The following SASH1 variants were observed in gnomAD, a reference collection of about 807,000 sequenced individuals.
The protein encoded by SASH1 is SAM and SH3 domain containing 1.
A neutral mutation model predicts 125.2 loss-of-function variants in SASH1; 44 were observed. That is an observed-to-expected ratio of 0.35 (90% CI 0.28 to 0.45). The LOEUF (loss-of-function observed/expected upper bound fraction) is 0.45. Among genes scored for constraint, SASH1 ranks in the 20% least tolerant of loss-of-function variants. The pLI, the probability that SASH1 is intolerant of heterozygous loss-of-function variation, is 1.00. For synonymous variants in SASH1, 639 were observed against 649.1 expected (o/e 0.98, Z 0.24); for missense variants, 1,426 against 1,614.5 (o/e 0.88, Z 2.00).
chr6:148,205,279 CTG>C, the SASH1 span, among the ~76,000 whole-genome samples: 1 of 152,198 alleles, frequency 6.6e-6, no homozygotes, highest in Admixed American at 6.5e-5. Context: ...TCTTATACCT[CTG>C]TCGTCCCAGA....
At chr6:148,545,426 T>C (rs2115461680) in intron 18 of SASH1, among the ~76,000 whole-genome samples, 1 of 152,358 alleles carries the variant, frequency 6.6e-6, no homozygotes, top group African/African-American at 2.4e-5. Flanking sequence ...CCTGAGTGAA[T>C]GTCTTTAAAT....
intron 2 of SASH1, among the ~76,000 whole-genome samples, chr6:148,429,803 C>T (rs1374834692): frequency 6.6e-6 from 1 of 152,034 alleles, no homozygotes; most frequent in South Asian, 2.1e-4. Context: ...CAGTAGTACT[C>T]CCTTGTACAG....
the SASH1 span, among the ~76,000 whole-genome samples, chr6:148,211,060 A>G: frequency 1.3e-5 from 2 of 152,168 alleles, no homozygotes; most frequent in African/African-American, 4.8e-5. Flanking sequence ...GCCATCCTCA[A>G]CCTTGTGGCC....
At chr6:148,396,478 GAAAAAAAAAAA>G (rs61277112) in intron 2 of SASH1, among the ~76,000 whole-genome samples, 2 of 63,788 alleles carry the variant, frequency 3.1e-5, no homozygotes, top group South Asian at 6.9e-4. Context: ...CTGCATCTCA[GAAAAAAAAAAA>G]AAAAAAAAAA....
At chr6:148,496,919 TG>T (rs1779338492) in intron 8 of SASH1, among the ~76,000 whole-genome samples, 1 of 151,658 alleles carries the variant, frequency 6.6e-6, no homozygotes, top group Non-Finnish European at 1.5e-5. Flanking sequence ...TATAAAATAA[TG>T]TATACTGATC....
At position 148,532,542 on chromosome 6, in the gene SASH1, C is replaced by T. The variant is rs753113476; in HGVS notation, c.1565-255C>T. Among the ~76,000 whole-genome samples, 7 of 152,074 alleles carry T rather than the reference C, an allele frequency of 4.6e-5. No individual in the cohort carries two copies. Among genetic ancestry groups the T allele is most frequent in the East Asian group, 1.9e-4 (1 of 5,184 alleles). On this transcript the variant is annotated intron_variant, in intron 13 of 19. Coordinates refer to ENST00000367467, the MANE Select transcript of SASH1 (RefSeq NM_015278.5). This position sits in a 1 kb window ranked among gnomAD's most constrained non-coding sequence, Gnocchi z 4.7. ...GCCTGGCCCTGCAGTGTCCTCCACGCGGGATCCTCCGTGCCACATGGATTC... is the reference window on the plus strand; with the variant it reads ...GCCTGGCCCTGCAGTGTCCTCCACGTGGGATCCTCCGTGCCACATGGATTC...
At chr6:148,216,465 T>G in the SASH1 span, among the ~76,000 whole-genome samples, 26 of 152,302 alleles carry the variant, frequency 1.7e-4, no homozygotes, top group African/African-American at 5.3e-4. Context: ...ATTGAATTAC[T>G]TACAGTGGCA....
intron 2 of SASH1, among the ~76,000 whole-genome samples, chr6:148,421,090 AAG>A (rs1258627125): frequency 6.7e-6 from 1 of 149,494 alleles, no homozygotes; most frequent in African/African-American, 2.5e-5. Context: ...TCTCCAAAAA[AAG>A]AAAAGAAAAG....
At chr6:148,218,527 A>C in the SASH1 span, among the ~76,000 whole-genome samples, 3 of 152,300 alleles carry the variant, frequency 2.0e-5, no homozygotes, top group East Asian at 3.9e-4. Context: ...CAGCTGCCCC[A>C]GTGCAACTAA....
At chr6:148,476,898 G>A (rs567512377) in intron 7 of SASH1, among the ~76,000 whole-genome samples, 261 of 152,138 alleles carry the variant, frequency 1.7e-3, no homozygotes, top group Non-Finnish European at 2.8e-3. Context: ...TAGAGAGCCC[G>A]GAAATAAACC....
chr6:148,446,974 T>C (rs1260739019), intron 4 of SASH1, among the ~76,000 whole-genome samples: 15 of 152,314 alleles, frequency 9.8e-5, no homozygotes. Context: ...TGGCAAATCG[T>C]GTTCGTTAGC....
intron 16 of SASH1, among the ~76,000 whole-genome samples, chr6:148,536,375 C>T (rs754534810): frequency 5.9e-5 from 9 of 152,158 alleles, no homozygotes; most frequent in Non-Finnish European, 7.4e-5. Context: ...ATTTCACTCT[C>T]GTTGCCCAAG....
chr6:148,442,430 T>G (rs1192349032), intron 4 of SASH1, among the ~76,000 whole-genome samples: 1 of 152,146 alleles, frequency 6.6e-6, no homozygotes, highest in Non-Finnish European at 1.5e-5. Flanking sequence ...AAAGTTACAG[T>G]AAAGTTTCAA....
chr6:148,252,511 C>CT, the SASH1 span, among the ~76,000 whole-genome samples: 4 of 150,290 alleles, frequency 2.7e-5, no homozygotes, highest in African/African-American at 9.8e-5. Context: ...CAGAGTCTCG[C>CT]TTTGTCGCCC....
chr6:148,507,007 C>T (rs749350718), intron 8 of SASH1, among the ~76,000 whole-genome samples: 1 of 152,096 alleles, frequency 6.6e-6, no homozygotes, highest in Non-Finnish European at 1.5e-5. Flanking sequence ...AGTACAACAT[C>T]GCAAAAGCAC....
chr6:148,289,257 T>G (rs1347664658), intron 1 of SASH1, among the ~76,000 whole-genome samples: 5 of 151,620 alleles, frequency 3.3e-5, no homozygotes, highest in African/African-American at 1.2e-4. Context: ...ATACTTTGAG[T>G]TGATGGAAGG....
intron 2 of SASH1, among the ~76,000 whole-genome samples, chr6:148,432,598 G>A (rs985853397): frequency 6.6e-6 from 1 of 152,206 alleles, no homozygotes; most frequent in Non-Finnish European, 1.5e-5. Context: ...TGTACCTAGT[G>A]TGGAGGAGGA....
intron 1 of SASH1, among the ~76,000 whole-genome samples, chr6:148,279,166 T>C (rs1355475357): frequency 1.3e-5 from 2 of 152,074 alleles, no homozygotes; most frequent in African/African-American, 4.8e-5. Flanking sequence ...TAATTTTTTG[T>C]ATTTTAGTAG....
At chr6:148,382,740 C>T (rs988064937) in intron 1 of SASH1, among the ~76,000 whole-genome samples, 2 of 152,128 alleles carry the variant, frequency 1.3e-5, no homozygotes, top group African/African-American at 4.8e-5. Context: ...CCGGGATCCA[C>T]CTGTGCGCAA....
Sources: allele counts gnomAD v4.1 joint callset (sites outside exome capture counted in the v4.1 genomes callset), GRCh38; gene constraint gnomAD v4.1.1; non-coding constraint Gnocchi (gnomAD v3.1); transcripts MANE v1.5; gene names NCBI Gene and HGNC (gene_info 2026-07-23, HGNC 2026-07-21).